Variants in PCNX2 observed in about 807,000 individuals in gnomAD.
PCNX2 encodes pecanex-like protein 2.
A neutral mutation model predicts 223.8 loss-of-function variants in PCNX2; 168 were observed. The ratio of observed to expected loss-of-function variants is 0.75; its 90% CI spans 0.66 to 0.85. The LOEUF is 0.85. Among genes scored for constraint, PCNX2 ranks in the 40% least tolerant of loss-of-function variants. PCNX2 has a pLI of 0.00. For missense variants in PCNX2, 2,507 were observed against 2,675.5 expected, an observed-to-expected ratio of 0.94 and a Z score of 1.39; for synonymous variants, 1,006 against 1,052.6, an observed-to-expected ratio of 0.96 and a Z score of 0.86.
intron 25 of PCNX2, among the ~76,000 whole-genome samples, chr1:233,051,603 C>T (rs747384724): frequency 1.1e-4 from 16 of 152,124 alleles, no homozygotes; most frequent in Non-Finnish European, 1.9e-4. Context: ...GAATAGAAAA[C>T]CAAATACCAG....
At position 233,025,380 on chromosome 1, in the gene PCNX2, C is replaced by CCT. The variant is rs768001026; in HGVS notation, c.4369_4370dup (p.Glu1458GlyfsTer3). ...CGCCCTCCATGATGGCTTCTACCTC[C>CCT]CTCTGCTGGCAGTAGGTTCCTGGCC... On this transcript the variant is annotated frameshift_variant, in exon 26 of 34. Coordinates refer to ENST00000258229, the MANE Select transcript of PCNX2 (RefSeq NM_014801.4). LOFTEE classifies it high-confidence loss of function. The CCT allele has an allele frequency of 8.1e-6, 13 of 1,613,944 alleles. No homozygotes were observed. Among genetic ancestry groups the CCT allele is most frequent in the Non-Finnish European group, 3.4e-6 (4 of 1,179,852 alleles).
At chr1:233,023,497 GA>G (rs1251263307) in intron 26 of PCNX2, among the ~76,000 whole-genome samples, 1 of 152,074 alleles carries the variant, frequency 6.6e-6, no homozygotes, top group Non-Finnish European at 1.5e-5. Flanking sequence ...TTAAATTGTG[GA>G]ACTCAAATTT....
intron 8 of PCNX2, among the ~76,000 whole-genome samples, chr1:233,240,243 C>T (rs923394700): frequency 3.9e-5 from 6 of 152,294 alleles, no homozygotes; most frequent in Non-Finnish European, 4.4e-5. Flanking sequence ...ATCACTGAAA[C>T]GGACAGGTGG....
Position 233,179,133 on chromosome 1 carries a change from AG to A in PCNX2, c.3108del (p.Phe1037SerfsTer12), listed in dbSNP as rs761922467. 6.2e-7 allele frequency: 1 copy of A among 1,613,968 alleles called. No homozygotes were observed. Among genetic ancestry groups the A allele is most frequent in the Admixed American group, 1.7e-5 (1 of 60,032 alleles). ...SMQHIPALFS[A>X]FCGLLVALSY... ...GAAAGGGCGACCAAGAGGCCACAGAAGGCCGAAAACAGTGCCGGGATGTGTT... is the reference window on the plus strand; with the variant it reads ...GAAAGGGCGACCAAGAGGCCACAGAAGCCGAAAACAGTGCCGGGATGTGTT... On this transcript the variant is annotated frameshift_variant, in exon 16 of 34. Coordinates refer to ENST00000258229, the MANE Select transcript of PCNX2 (RefSeq NM_014801.4). LOFTEE classifies it high-confidence loss of function.
rs547721132 is a variant in PCNX2 at position 233,215,907 on chromosome 1, C to T, written c.2691+1992G>A. On this transcript the variant is annotated intron_variant, in intron 12 of 33. Coordinates refer to ENST00000258229, the MANE Select transcript of PCNX2 (RefSeq NM_014801.4). ...AAAAGAAGATGTATTACATGTAAAC[C>T]AATTATGGGGAACAGAGGAATTTAA... Among the ~76,000 whole-genome samples the T allele has an allele frequency of 1.6e-4, 25 of 152,270 alleles. No individual in the cohort carries two copies. The South Asian group carries it at 4.8e-3, about 29-fold the overall frequency.
intron 6 of PCNX2, 60 bp downstream of exon 6, chr1:233,252,581 A>G (rs755285877): frequency 6.3e-7 from 1 of 1,589,016 alleles, no homozygotes; most frequent in Non-Finnish European, 8.6e-7. Context: ...AGAAGCCAGT[A>G]AATGAGGCTG....
intron 13 of PCNX2, chr1:233,202,026 G>A (rs1681145675): frequency 2.9e-6 from 1 of 349,878 alleles, no homozygotes; most frequent in Non-Finnish European, 5.8e-6. Flanking sequence ...CATCCTGGAG[G>A]AGGAAAGCTC....
chr1:233,019,181 T>G (rs1205737199), intron 26 of PCNX2: 45 of 985,322 alleles, frequency 4.6e-5, no homozygotes, highest in Non-Finnish European at 5.2e-5. Context: ...CTGTGAGGAC[T>G]GAGGACAGCC....
In PCNX2 at chr1:233,259,129, C is replaced by A; in HGVS notation, c.733G>T (p.Gly245Cys). 6.2e-7 allele frequency: 1 copy of A among 1,613,974 alleles called. No homozygotes were observed. The highest frequency in any genetic ancestry group is 8.5e-7 in the Non-Finnish European group (1 of 1,179,882). Residue 245 changes from glycine to cysteine, a missense_variant, in exon 5 of 34, where the codon GGT becomes TGT. Coordinates refer to ENST00000258229, the MANE Select transcript of PCNX2 (RefSeq NM_014801.4). Reference sequence around the variant, plus strand: ...AAGGGTCCCTTATCCACTAAGCCACCCTCGGATCTGTGGCGCAAAGGAGGC... The same window carrying A: ...AAGGGTCCCTTATCCACTAAGCCACACTCGGATCTGTGGCGCAAAGGAGGC... ...GQPPLRHRSE[G>C]GLVDKGPLKK...
chr1:233,244,076 G>A (rs753209600), intron 8 of PCNX2, among the ~76,000 whole-genome samples: 6 of 152,074 alleles, frequency 3.9e-5, no homozygotes, highest in Non-Finnish European at 7.4e-5. Context: ...TGATCCGCCC[G>A]CCATGGCCTC....
chr1:232,986,744 C>T (rs1290977770), intron 32 of PCNX2, among the ~76,000 whole-genome samples: 1 of 152,088 alleles, frequency 6.6e-6, no homozygotes, highest in Non-Finnish European at 1.5e-5. Context: ...ACCAAAGGGC[C>T]GACTGAAGGG....
intron 19 of PCNX2, among the ~76,000 whole-genome samples, chr1:233,143,249 T>G (rs1410263110): frequency 6.6e-6 from 1 of 152,178 alleles, no homozygotes; most frequent in Admixed American, 6.5e-5. Context: ...TCAGCTCTTC[T>G]CACTTCTCAT....
intron 15 of PCNX2, among the ~76,000 whole-genome samples, chr1:233,197,248 A>G (rs180754467): frequency 2.0e-5 from 3 of 152,246 alleles, no homozygotes; most frequent in Non-Finnish European, 4.4e-5. Context: ...CTGAACTTTA[A>G]ACCTGACTTT....
intron 23 of PCNX2, among the ~76,000 whole-genome samples, chr1:233,083,556 T>C (rs75829995): frequency 0.021 from 3,144 of 152,282 alleles, 38 homozygotes; most frequent in East Asian, 0.053. Flanking sequence ...GTGCTATACT[T>C]ATGTCTATAT....
At chr1:233,216,087 T>C (rs1198442480) in intron 12 of PCNX2, among the ~76,000 whole-genome samples, 2 of 152,190 alleles carry the variant, frequency 1.3e-5, no homozygotes, top group African/African-American at 4.8e-5. Flanking sequence ...AAGCTTTCTT[T>C]CATTGGGAGG....
intron 13 of PCNX2, among the ~76,000 whole-genome samples, chr1:233,203,263 C>G (rs187056703): frequency 6.6e-5 from 10 of 152,272 alleles, no homozygotes; most frequent in Admixed American, 6.5e-4. Flanking sequence ...AATCAGACAC[C>G]TTTTGGCTTT....
intron 8 of PCNX2, among the ~76,000 whole-genome samples, chr1:233,240,105 T>C (rs911876042): frequency 6.6e-6 from 1 of 152,218 alleles, no homozygotes; most frequent in South Asian, 2.1e-4. Flanking sequence ...AATGGTTACA[T>C]GCTTACAGTA....
intron 23 of PCNX2, among the ~76,000 whole-genome samples, chr1:233,072,520 C>G (rs1672901779): frequency 6.6e-6 from 1 of 152,116 alleles, no homozygotes; most frequent in Admixed American, 6.6e-5. Context: ...GTTTTAGTTA[C>G]TGTAGTCTAT....
chr1:233,055,091 C>T (rs1260645751), intron 24 of PCNX2, among the ~76,000 whole-genome samples: 1 of 152,144 alleles, frequency 6.6e-6, no homozygotes, highest in Non-Finnish European at 1.5e-5. Context: ...TGGGTTGTTT[C>T]CAGTTTTGGT....
Sources: gnomAD v4.1 joint callset for allele counts (sites outside exome capture counted in the v4.1 genomes callset) on GRCh38, gnomAD v4.1.1 for gene constraint, MANE v1.5 for transcripts, NCBI Gene and HGNC (gene_info 2026-07-23, HGNC 2026-07-21) for gene names.